The following SNTG1 variants were observed in gnomAD, a reference collection of about 807,000 sequenced individuals.
SNTG1 encodes the protein gamma-1-syntrophin.
A neutral mutation model predicts 74.7 loss-of-function variants in SNTG1; 39 were observed. That is an observed-to-expected ratio of 0.52 (90% CI 0.40 to 0.68). The LOEUF (loss-of-function observed/expected upper bound fraction) is 0.68. Ranked by LOEUF, SNTG1 falls within the 30% of genes least tolerant of loss-of-function variation. The pLI is 0.00. For synonymous variants in SNTG1, 254 were observed against 217.1 expected, an observed-to-expected ratio of 1.17 and a Z score of -1.49; for missense variants, 685 against 609.5, an observed-to-expected ratio of 1.12 and a Z score of -1.30.
At chr8:50,678,228 C>A (rs2095316973) in intron 15 of SNTG1, among the ~76,000 whole-genome samples, 1 of 151,882 alleles carries the variant, frequency 6.6e-6, no homozygotes, top group African/African-American at 2.4e-5. Flanking sequence ...AACTCAGCAG[C>A]ATATATCAAA....
chr8:50,662,664 G>T (rs886945221), intron 15 of SNTG1, among the ~76,000 whole-genome samples: 1 of 152,176 alleles, frequency 6.6e-6, no homozygotes, highest in Non-Finnish European at 1.5e-5. Context: ...TGGGAAAAAA[G>T]ATGGGAACCA....
Position 50,794,088 on chromosome 8 carries a change from T to C in SNTG1, c.*1259T>C, listed in dbSNP as rs549717494. 28 of 151,886 alleles carry C rather than the reference T, an allele frequency of 1.8e-4. No homozygotes were observed. Among genetic ancestry groups the C allele is most frequent in the Admixed American group, 3.3e-4 (5 of 15,220 alleles). The allele number at this position is 151,886 out of a possible 1,614,324, so 9.4% of individuals were successfully genotyped here. On this transcript the variant is annotated 3_prime_UTR_variant, in exon 19 of 19. Transcript: ENST00000642720. ...GTCTCTGTCCTTCAGTACAGCTTTT[T>C]TGAGATATTTTAAAAAGTCAGCTGT... is the stretch of plus-strand genomic sequence containing the variant.
intron 13 of SNTG1, among the ~76,000 whole-genome samples, chr8:50,615,493 G>A (rs1585852841): frequency 1.3e-5 from 2 of 152,194 alleles, no homozygotes; most frequent in African/African-American, 4.8e-5. Context: ...AAGCATAACC[G>A]AATACAGAGA....
chr8:50,210,859 GT>G (rs2084487296), intron 2 of SNTG1, among the ~76,000 whole-genome samples: 1 of 152,010 alleles, frequency 6.6e-6, no homozygotes, highest in Admixed American at 6.6e-5. Context: ...GAAATGACAG[GT>G]TAAAAAATGT....
At chr8:49,976,696 G>A (rs890560162) in intron 1 of SNTG1, among the ~76,000 whole-genome samples, 3 of 152,174 alleles carry the variant, frequency 2.0e-5, no homozygotes, top group Non-Finnish European at 4.4e-5. Context: ...GCAGAGCGGA[G>A]GCGCCCAGGT....
intron 15 of SNTG1, among the ~76,000 whole-genome samples, chr8:50,669,999 T>C (rs1406245564): frequency 6.6e-6 from 1 of 152,192 alleles, no homozygotes; most frequent in Non-Finnish European, 1.5e-5. Context: ...CAACGTTTCA[T>C]GCTAAAAACT....
At chr8:50,341,799 T>A (rs1405230088) in intron 2 of SNTG1, among the ~76,000 whole-genome samples, 2 of 151,898 alleles carry the variant, frequency 1.3e-5, no homozygotes, top group Non-Finnish European at 2.9e-5. Flanking sequence ...ATATTGAGAG[T>A]CTTAATAGCC....
At chr8:50,207,527 CATTG>C (rs1461530914) in intron 2 of SNTG1, among the ~76,000 whole-genome samples, 3 of 152,112 alleles carry the variant, frequency 2.0e-5, no homozygotes, top group Non-Finnish European at 4.4e-5. Context: ...CTCCTAGATT[CATTG>C]ATTTTTTGAA....
At chr8:50,777,228 T>C (rs1206349556) in intron 18 of SNTG1, among the ~76,000 whole-genome samples, 1 of 139,848 alleles carries the variant, frequency 7.2e-6, no homozygotes, top group Non-Finnish European at 1.5e-5. Flanking sequence ...CATATATATA[T>C]ATATATAATA....
chr8:50,212,360 T>C (rs1393028504), intron 2 of SNTG1, among the ~76,000 whole-genome samples: 1 of 152,126 alleles, frequency 6.6e-6, no homozygotes, highest in East Asian at 1.9e-4. Flanking sequence ...ATGTGAGTAA[T>C]GAAAATTGCC....
At chr8:50,353,047 C>A (rs1376789823) in intron 2 of SNTG1, among the ~76,000 whole-genome samples, 1 of 152,016 alleles carries the variant, frequency 6.6e-6, no homozygotes, top group Non-Finnish European at 1.5e-5. Context: ...AAATGTGGCA[C>A]ATATACACCA....
At chr8:50,501,458 G>A (rs555391837) in intron 8 of SNTG1, among the ~76,000 whole-genome samples, 117 of 99,270 alleles carry the variant, frequency 1.2e-3, no homozygotes, top group African/African-American at 4.2e-3. Flanking sequence ...TTTTTTTCAC[G>A]GAGTTTTGCT....
intron 8 of SNTG1, among the ~76,000 whole-genome samples, chr8:50,494,631 A>G (rs1258127015): frequency 3.3e-5 from 5 of 152,044 alleles, no homozygotes. Flanking sequence ...TGTTGCTTGA[A>G]TCATTGAGGA....
At chr8:50,015,723 C>T (rs1816245619) in intron 1 of SNTG1, among the ~76,000 whole-genome samples, 1 of 152,038 alleles carries the variant, frequency 6.6e-6, no homozygotes, top group African/African-American at 2.4e-5. Flanking sequence ...AAATAGGAAC[C>T]ATTACAATCA....
intron 2 of SNTG1, among the ~76,000 whole-genome samples, chr8:50,324,282 G>T (rs1458119626): frequency 6.6e-6 from 1 of 152,196 alleles, no homozygotes; most frequent in African/African-American, 2.4e-5. Flanking sequence ...CTCAGTTGCT[G>T]TGCTCTTCCT....
At chr8:50,165,064 C>A (rs530413788) in intron 1 of SNTG1, among the ~76,000 whole-genome samples, 94 of 152,222 alleles carry the variant, frequency 6.2e-4, no homozygotes, top group Admixed American at 2.4e-3. Context: ...CACACACACA[C>A]AAAAAATGTT....
intron 2 of SNTG1, among the ~76,000 whole-genome samples, chr8:50,256,338 T>C (rs956968572): frequency 6.6e-6 from 1 of 152,050 alleles, no homozygotes; most frequent in Non-Finnish European, 1.5e-5. Context: ...GACTAGTCAT[T>C]ATACTAAACT....
At chr8:50,707,839 T>C in intron 16 of SNTG1, 1 of 379,124 alleles carries the variant, frequency 2.6e-6, no homozygotes, top group East Asian at 3.8e-5. Context: ...ATGTCGTATA[T>C]AAACCTTAAG....
intron 2 of SNTG1, among the ~76,000 whole-genome samples, chr8:50,205,197 C>G (rs753943551): frequency 5.3e-5 from 8 of 152,114 alleles, no homozygotes; most frequent in Non-Finnish European, 8.8e-5. Flanking sequence ...CAGTGTAAAA[C>G]TGTTCCTATT....
Sources: gnomAD v4.1 joint callset for allele counts (sites outside exome capture counted in the v4.1 genomes callset) on GRCh38, gnomAD v4.1.1 for gene constraint, MANE v1.5 for transcripts, NCBI Gene and HGNC (gene_info 2026-07-23, HGNC 2026-07-21) for gene names.